MIA2: variants seen among roughly 807,000 people sequenced by gnomAD.
MIA2 encodes the protein melanoma inhibitory activity protein 2.
In MIA2, 127 loss-of-function variants were observed where a neutral mutation model predicts 167.8. The ratio of observed to expected loss-of-function variants is 0.76; its 90% CI spans 0.66 to 0.88. MIA2 has a LOEUF of 0.88. Among genes scored for constraint, MIA2 ranks in the 40% least tolerant of loss-of-function variants. The probability of loss-of-function intolerance (pLI) is 0.00; values close to 1 mark genes in which losing one functional copy is unlikely to be tolerated. For synonymous variants in MIA2, 552 were observed against 541.9 expected (o/e 1.02, Z -0.26); for missense variants, 1,690 against 1,624.7 (o/e 1.04, Z -0.69).
chr14:39,293,438 A>C (rs1595175785), intron 11 of MIA2, 57 bp downstream of exon 11: 1 of 1,155,564 alleles, frequency 8.7e-7, no homozygotes, highest in East Asian at 2.4e-5. Context: ...GAGCTTTAAA[A>C]AATTAATATG....
At chr14:39,328,561 A>G (rs2068070537) in intron 25 of MIA2, among the ~76,000 whole-genome samples, 1 of 152,044 alleles carries the variant, frequency 6.6e-6, no homozygotes, top group Non-Finnish European at 1.5e-5. Flanking sequence ...CCTGAATGGT[A>G]TTGCCTAGGT....
intron 23 of MIA2, among the ~76,000 whole-genome samples, chr14:39,371,216 A>G (rs2074938582): frequency 6.6e-6 from 1 of 152,120 alleles, no homozygotes; most frequent in South Asian, 2.1e-4. Flanking sequence ...TGATGATGTA[A>G]TATTAAATAT....
chr14:39,262,392 A>G (rs975739205), intron 6 of MIA2, among the ~76,000 whole-genome samples: 1 of 152,228 alleles, frequency 6.6e-6, no homozygotes, highest in Non-Finnish European at 1.5e-5. Context: ...TTTTGGTACC[A>G]GTACCATGCT....
intron 3 of MIA2, 84 bp downstream of exon 3, chr14:39,240,731 T>C: frequency 1.2e-6 from 1 of 867,558 alleles, no homozygotes; most frequent in Non-Finnish European, 1.9e-6. Context: ...GCCTATTGGT[T>C]ATGTACCTTT....
chr14:39,348,941 G>A lies in MIA2; in HGVS notation c.4036G>A (p.Gly1346Arg), dbSNP rs1060878. 0.37 allele frequency: 593,470 copies of A among 1,613,664 alleles called. 111,306 individuals carry two copies. Among genetic ancestry groups the A allele is most frequent in the South Asian group, 0.42 (38,496 of 91,074 alleles). ...AGCTTCTCGAGATTATTTTCCACCAGGGGATTTCCCAGGTCCACCACCTGC... is the reference window on the plus strand; with the variant it reads ...AGCTTCTCGAGATTATTTTCCACCAAGGGATTTCCCAGGTCCACCACCTGC... ...FGASRDYFPP[G>R]DFPGPPPAPF... The change falls in exon 28 of 29, where the codon GGG becomes AGG. Residue 1346 changes from glycine to arginine, a missense_variant. Transcript: ENST00000640607.
At chr14:39,279,166 A>AT (rs962164761) in intron 7 of MIA2, among the ~76,000 whole-genome samples, 171 bp from the exon 8 acceptor site, 1 of 151,888 alleles carries the variant, frequency 6.6e-6, no homozygotes, top group Non-Finnish European at 1.5e-5. Context: ...GTCTCAAAAA[A>AT]AAAAAAAAAA....
chr14:39,360,776 G>A (rs2074665643), intron 23 of MIA2, among the ~76,000 whole-genome samples: 1 of 152,080 alleles, frequency 6.6e-6, no homozygotes, highest in Non-Finnish European at 1.5e-5. Flanking sequence ...TCTTCTAGTA[G>A]TTTTATAGTT....
At chr14:39,299,547 T>G (rs2062067577) in intron 13 of MIA2, among the ~76,000 whole-genome samples, 1 of 152,052 alleles carries the variant, frequency 6.6e-6, no homozygotes, top group South Asian at 2.1e-4. Flanking sequence ...GTTAGTTATT[T>G]TAAGTACAAA....
At chr14:39,359,641 G>T (rs146582361) in intron 23 of MIA2, among the ~76,000 whole-genome samples, 157 of 152,232 alleles carry the variant, frequency 1.0e-3, no homozygotes, top group African/African-American at 3.6e-3. Context: ...CTTCTGCGTC[G>T]CTCACACTGG....
chr14:39,297,663 T>TTGCGTGTG (rs1313096355), intron 13 of MIA2, among the ~76,000 whole-genome samples: 2 of 47,396 alleles, frequency 4.2e-5, no homozygotes, highest in African/African-American at 2.2e-4. Flanking sequence ...CTGTAGGGTT[T>TTGCGTGTG]TGCGTGTGTG....
chr14:39,283,735 T>G (rs2059259864), intron 9 of MIA2, among the ~76,000 whole-genome samples: 1 of 152,206 alleles, frequency 6.6e-6, no homozygotes, highest in Non-Finnish European at 1.5e-5. Flanking sequence ...TGTTTTTGAT[T>G]TGCATATCCT....
intron 7 of MIA2, among the ~76,000 whole-genome samples, chr14:39,277,297 A>T (rs1257792351): frequency 6.6e-6 from 1 of 151,740 alleles, no homozygotes; most frequent in African/African-American, 2.4e-5. Context: ...AGGCCAAGGC[A>T]GAAAGATCAC....
chr14:39,267,132 C>G (rs562209657), intron 6 of MIA2: 10 of 1,151,704 alleles, frequency 8.7e-6, no homozygotes, highest in African/African-American at 3.2e-5. Flanking sequence ...CGCGCCTCCC[C>G]GCCTTCTCGC....
chr14:39,280,976 ACAGT>A (rs2058845873), intron 9 of MIA2, among the ~76,000 whole-genome samples: 2 of 127,292 alleles, frequency 1.6e-5, no homozygotes, highest in Admixed American at 9.7e-5. Flanking sequence ...AGGCTGCAGT[ACAGT>A]GGTGTGATCT....
At chr14:39,277,773 TATA>T (rs2058368763) in intron 7 of MIA2, among the ~76,000 whole-genome samples, 1 of 52,804 alleles carries the variant, frequency 1.9e-5, no homozygotes, top group Non-Finnish European at 4.0e-5. Flanking sequence ...TATATATATA[TATA>T]TATATTTATA....
At chr14:39,363,379 A>C (rs2074738919) in intron 23 of MIA2, among the ~76,000 whole-genome samples, 1 of 152,166 alleles carries the variant, frequency 6.6e-6, no homozygotes, top group African/African-American at 2.4e-5. Flanking sequence ...AAAATACAAA[A>C]ATTAGCTGGG....
intron 6 of MIA2, among the ~76,000 whole-genome samples, chr14:39,255,690 A>G (rs761924167): frequency 6.6e-6 from 1 of 152,210 alleles, no homozygotes; most frequent in Non-Finnish European, 1.5e-5. Context: ...CACAAATTAT[A>G]TGAATGAAGT....
intron 23 of MIA2, among the ~76,000 whole-genome samples, chr14:39,382,977 G>C (rs1187724914): frequency 4.8e-5 from 1 of 20,794 alleles, no homozygotes; most frequent in African/African-American, 1.9e-4. Context: ...TTTTTTTTTT[G>C]GTAAGAGATA....
Position 39,294,089 on chromosome 14 carries a change from A to G in MIA2, c.2391+18A>G, listed in dbSNP as rs1302567821. On this transcript the variant is annotated intron_variant, in intron 12 of 28. Coordinates refer to ENST00000640607, the MANE Select transcript of MIA2 (RefSeq NM_001329214.4). ...TAGCTGAAGTAAGTTGAATTAGTCT[A>G]GTAGGTCTGTTGCTTTTGGAAATAA... 20 of 1,542,400 alleles carry G rather than the reference A, an allele frequency of 1.3e-5. No homozygotes were observed. The highest frequency in any genetic ancestry group is 1.8e-5 in the Non-Finnish European group (20 of 1,125,832).
Sources: allele counts gnomAD v4.1 joint callset (sites outside exome capture counted in the v4.1 genomes callset), GRCh38; gene constraint gnomAD v4.1.1; transcripts MANE v1.5; gene names NCBI Gene and HGNC (gene_info 2026-07-23, HGNC 2026-07-21).